The following TMTC3 variants were observed in gnomAD, a reference collection of about 807,000 sequenced individuals.
TMTC3 encodes transmembrane O-mannosyltransferase targeting cadherins 3.
Under a neutral mutation model 92.2 loss-of-function variants are expected in TMTC3, and 52 were observed. That is an observed-to-expected ratio of 0.56 (90% CI 0.45 to 0.71). The LOEUF (loss-of-function observed/expected upper bound fraction) is 0.71, where lower values mean the gene tolerates loss of function less well. Among genes scored for constraint, TMTC3 ranks in the 30% least tolerant of loss-of-function variants. The pLI is 0.00. For missense variants in TMTC3, 896 were observed against 1,057.1 expected, an observed-to-expected ratio of 0.85 and a Z score of 2.11; for synonymous variants, 339 against 363.3, an observed-to-expected ratio of 0.93 and a Z score of 0.76.
chr12:88,198,593 T>G lies in TMTC3; in HGVS notation c.*2944T>G, dbSNP rs1205603400. The G allele has an allele frequency of 1.0e-5, 4 of 392,596 alleles. No individual in the cohort carries two copies. Among genetic ancestry groups the G allele is most frequent in the Non-Finnish European group, 1.8e-5 (4 of 222,412 alleles). 24.3% of individuals were successfully genotyped at this position (392,596 alleles called of 1,614,324 possible). On this transcript the variant is annotated 3_prime_UTR_variant, in exon 14 of 14. Coordinates refer to ENST00000266712, the MANE Select transcript of TMTC3 (RefSeq NM_181783.4). Reference sequence around the variant, plus strand: ...TGGAGAGTAAAATAACGTATTTTGCTTTTCAATTTTGTGTTTGTTTACTTT... The same window carrying G: ...TGGAGAGTAAAATAACGTATTTTGCGTTTCAATTTTGTGTTTGTTTACTTT...
rs912493229 is a variant in TMTC3 at position 88,198,684 on chromosome 12, A to G, written c.*3035A>G. On this transcript the variant is annotated 3_prime_UTR_variant, in exon 14 of 14. Transcript: ENST00000266712. The stretch of plus-strand genomic sequence containing the variant: ...AACCTCATGCCTTTTCATTACATCT[A>G]ATTTGAACTCTCAACTTCATGTTAC... The G allele has an allele frequency of 1.1e-4, 36 of 333,796 alleles. No homozygotes were observed. Among genetic ancestry groups the G allele is most frequent in the Non-Finnish European group, 1.5e-4 (27 of 185,980 alleles). The allele number at this position is 333,796 out of a possible 1,614,324, so 20.7% of individuals were successfully genotyped here. A position where few individuals can be genotyped will look rare whatever the true frequency, so the allele number is the denominator to read the frequency against.
rs575526278 is a variant in TMTC3 at position 88,150,259 on chromosome 12, G to A, written c.189+1755G>A. ...GAGCAAGAGGAGTACGGTGGGAGGT[G>A]CTACACAGTTTTGAACAGCCAGCTC... is the stretch of plus-strand genomic sequence containing the variant. On this transcript the variant is annotated intron_variant, in intron 2 of 13. Coordinates refer to ENST00000266712, the MANE Select transcript of TMTC3 (RefSeq NM_181783.4). Among the ~76,000 whole-genome samples the A allele has an allele frequency of 1.0e-3, 154 of 152,220 alleles. 2 individuals are homozygous for A. Among genetic ancestry groups the A allele is most frequent in the Non-Finnish European group, 1.6e-3 (112 of 68,008 alleles).
Position 88,168,065 on chromosome 12 carries a change from G to A in TMTC3, c.1050+1483G>A, listed in dbSNP as rs139763077. ...TTGAGTGGGCTAAATACAGTGAAAA[G>A]AGAAGATACCTACTACTAGGTCTTG... On this transcript the variant is annotated intron_variant, in intron 7 of 13. Coordinates refer to ENST00000266712, the MANE Select transcript of TMTC3 (RefSeq NM_181783.4). 2.2e-3 allele frequency among the ~76,000 whole-genome samples: 328 copies of A among 152,314 alleles called. 4 individuals are homozygous for A. Among genetic ancestry groups the A allele is most frequent in the African/African-American group, 7.6e-3 (318 of 41,574 alleles).
At chr12:88,159,067 G>GAAA (rs538720655) in intron 4 of TMTC3, among the ~76,000 whole-genome samples, 1 of 113,126 alleles carries the variant, frequency 8.8e-6, no homozygotes. Flanking sequence ...AAAAAAAAAG[G>GAAA]AAAAAAAAAA....
At position 88,154,398 on chromosome 12, in the gene TMTC3, C is replaced by A; in HGVS notation, c.508+11C>A. On this transcript the variant is annotated intron_variant, in intron 4 of 13. Transcript: ENST00000266712. ...CAGACAATTCCATAAGTACATGTCT[C>A]ACATTTGATTTTTTTTTAATAGTGC... The A allele has an allele frequency of 6.4e-7, 1 of 1,556,638 alleles. No individual in the cohort carries two copies. The highest frequency in any genetic ancestry group is 8.6e-7 in the Non-Finnish European group (1 of 1,156,338).
intron 6 of TMTC3, among the ~76,000 whole-genome samples, chr12:88,164,134 G>A (rs1406108322): frequency 6.8e-6 from 1 of 146,646 alleles, no homozygotes; most frequent in Non-Finnish European, 1.5e-5. Context: ...AGGTTGCAGT[G>A]AGCCAAGACT....
intron 1 of TMTC3, among the ~76,000 whole-genome samples, chr12:88,142,793 C>G (rs2040764669): frequency 6.6e-6 from 1 of 152,204 alleles, no homozygotes; most frequent in Non-Finnish European, 1.5e-5. Context: ...CATCCCGACC[C>G]CGCCCGCCTT....
Position 88,196,879 on chromosome 12 carries a change from A to C in TMTC3, c.*1230A>C, listed in dbSNP as rs1264359336. 2.6e-5 allele frequency: 4 copies of C among 151,934 alleles called. No homozygotes were observed. The highest frequency in any genetic ancestry group is 1.9e-4 in the East Asian group (1 of 5,192). 9.4% of individuals were successfully genotyped at this position (151,934 alleles called of 1,614,324 possible). A position where few individuals can be genotyped will look rare whatever the true frequency, so the allele number is the denominator to read the frequency against. ...TAATTAGCCTACTATAGTATTAATA[A>C]ATTTTTCAGTTGGTTTGGGCAAATT... On this transcript the variant is annotated 3_prime_UTR_variant, in exon 14 of 14. Coordinates refer to ENST00000266712, the MANE Select transcript of TMTC3 (RefSeq NM_181783.4).
chr12:88,162,681 A>G (rs2041093585), intron 6 of TMTC3, among the ~76,000 whole-genome samples: 3 of 152,106 alleles, frequency 2.0e-5, no homozygotes, highest in Middle Eastern at 3.4e-3. Context: ...TATTGCTTTA[A>G]TGTCCTTGCC....
At chr12:88,149,544 T>G (rs967143802) in intron 2 of TMTC3, among the ~76,000 whole-genome samples, 10 of 152,086 alleles carry the variant, frequency 6.6e-5, no homozygotes, top group African/African-American at 4.8e-5. Flanking sequence ...AAAACATAAG[T>G]CATTTAAGGT....
intron 2 of TMTC3, 143 bp from the exon 3 acceptor site, chr12:88,153,148 T>A: frequency 1.7e-6 from 1 of 571,610 alleles, no homozygotes; most frequent in Non-Finnish European, 3.0e-6. Context: ...ATTTTTGTGT[T>A]ACTCTTACGA....
intron 10 of TMTC3, among the ~76,000 whole-genome samples, chr12:88,180,385 G>C (rs1041191479): frequency 2.0e-5 from 3 of 152,108 alleles, no homozygotes; most frequent in Admixed American, 6.5e-5. Context: ...TGTCTGCCCA[G>C]GTAACAGGGT....
intron 7 of TMTC3, among the ~76,000 whole-genome samples, chr12:88,169,476 A>G (rs2041180758): frequency 6.6e-6 from 1 of 152,190 alleles, no homozygotes; most frequent in South Asian, 2.1e-4. Context: ...TTTTCAGTAT[A>G]GTCCTAATAA....
chr12:88,184,272 G>A (rs190356312), intron 10 of TMTC3, among the ~76,000 whole-genome samples: 1 of 152,122 alleles, frequency 6.6e-6, no homozygotes, highest in Admixed American at 6.6e-5. Flanking sequence ...GAACATTGTC[G>A]ACCCCCCAAG....
At chr12:88,193,118 A>AT (rs1251607965) in intron 13 of TMTC3, among the ~76,000 whole-genome samples, 1 of 152,146 alleles carries the variant, frequency 6.6e-6, no homozygotes, top group African/African-American at 2.4e-5. Context: ...GTCATTTTAT[A>AT]TACATAAACA....
At chr12:88,171,950 G>C (rs2041209676) in intron 7 of TMTC3, among the ~76,000 whole-genome samples, 2 of 152,018 alleles carry the variant, frequency 1.3e-5, no homozygotes, top group South Asian at 4.1e-4. Context: ...CTTAATGATA[G>C]TGATGTTGAA....
At chr12:88,150,228 A>G (rs554206526) in intron 2 of TMTC3, among the ~76,000 whole-genome samples, 1 of 152,246 alleles carries the variant, frequency 6.6e-6, no homozygotes, top group Non-Finnish European at 1.5e-5. Context: ...CACATAGCAA[A>G]AGCAGGAGCA....
chr12:88,155,581 G>A (rs1223983063), intron 4 of TMTC3, among the ~76,000 whole-genome samples: 1 of 152,018 alleles, frequency 6.6e-6, no homozygotes, highest in African/African-American at 2.4e-5. Flanking sequence ...CTTTATACCT[G>A]CATTTCCCAT....
intron 10 of TMTC3, among the ~76,000 whole-genome samples, chr12:88,176,818 A>C (rs1430054750): frequency 6.6e-6 from 1 of 151,936 alleles, no homozygotes; most frequent in African/African-American, 2.4e-5. Context: ...TTTTTTCTTA[A>C]CATAGAGTTG....
Sources: allele counts gnomAD v4.1 joint callset (sites outside exome capture counted in the v4.1 genomes callset), GRCh38; gene constraint gnomAD v4.1.1; transcripts MANE v1.5; gene names NCBI Gene and HGNC (gene_info 2026-07-23, HGNC 2026-07-21).